VPS4B: variants seen among roughly 807,000 people sequenced by gnomAD.
The protein encoded by VPS4B is vacuolar protein sorting 4 homolog B.
A neutral mutation model predicts 56.1 loss-of-function variants in VPS4B; 23 were observed. The ratio of observed to expected loss-of-function variants is 0.41; its 90% confidence interval spans 0.30 to 0.58. The LOEUF (loss-of-function observed/expected upper bound fraction) is 0.58. Ranked by LOEUF, VPS4B falls within the 20% of genes least tolerant of loss-of-function variation. The probability of loss-of-function intolerance (pLI) is 0.29; values close to 1 mark genes in which losing one functional copy is unlikely to be tolerated. For synonymous variants in VPS4B, 177 were observed against 186.0 expected (o/e 0.95, Z 0.39); for missense variants, 372 against 531.9 (o/e 0.70, Z 2.96).
chr18:63,395,424 G>T (rs1272988206), intron 9 of VPS4B, among the ~76,000 whole-genome samples: 2 of 152,102 alleles, frequency 1.3e-5, no homozygotes, highest in African/African-American at 4.8e-5. Flanking sequence ...TATTGGAAAG[G>T]ACTTCAAAAT....
rs758078167 is a variant in VPS4B at position 63,393,388 on chromosome 18, AAAAC to A, written c.1233+17_1233+20del. On this transcript the variant is annotated intron_variant, in intron 10 of 10. Coordinates refer to ENST00000238497, the MANE Select transcript of VPS4B (RefSeq NM_004869.4). ...TATAATGTTTTAAAATATTTTCTTA[AAAAC>A]AAACAAAATTTCAAACCATGGAAAC... is the stretch of plus-strand genomic sequence containing the variant. The A allele has an allele frequency of 4.8e-5, 75 of 1,572,658 alleles. No individual in the cohort carries two copies. Among genetic ancestry groups the A allele is most frequent in the Non-Finnish European group, 6.4e-5 (74 of 1,163,922 alleles).
At chr18:63,411,383 G>T in intron 2 of VPS4B, 84 bp downstream of exon 2, 2 of 949,216 alleles carry the variant, frequency 2.1e-6, no homozygotes, top group Non-Finnish European at 2.8e-6. Context: ...GAATTGTCTG[G>T]CATTATATTT....
At chr18:63,396,780 G>C (rs1915677877) in intron 9 of VPS4B, 4 of 401,518 alleles carry the variant, frequency 1.0e-5, no homozygotes, top group Non-Finnish European at 1.8e-5. Context: ...CCTGGAGTCA[G>C]GAGTTCGAGA....
At chr18:63,409,028 T>TTA (rs1445913512) in intron 3 of VPS4B, among the ~76,000 whole-genome samples, 1 of 152,192 alleles carries the variant, frequency 6.6e-6, no homozygotes, top group Non-Finnish European at 1.5e-5. Context: ...AGTCCCTGTT[T>TTA]TATACCAAAT....
In VPS4B at chr18:63,389,534, A is replaced by G. The variant is rs1475890221; in HGVS notation, c.*1441T>C. 1.3e-5 allele frequency: 2 copies of G among 152,698 alleles called. No homozygotes were observed. Among genetic ancestry groups the G allele is most frequent in the Non-Finnish European group, 2.9e-5 (2 of 68,050 alleles). The allele number at this position is 152,698 out of a possible 1,614,324, so 9.5% of individuals were successfully genotyped here. On this transcript the variant is annotated 3_prime_UTR_variant, in exon 11 of 11. Transcript: ENST00000238497. ...GTCTTTTGCATGTATAGACAATGCA[A>G]TTCTACAAGGCACAACTCAGCGTTG...
intron 10 of VPS4B, 50 bp downstream of exon 10, chr18:63,393,359 G>T: frequency 6.8e-7 from 1 of 1,463,540 alleles, no homozygotes; most frequent in East Asian, 2.6e-5. Context: ...TGAAAATTAT[G>T]AAGTATAATG....
At chr18:63,412,295 G>C (rs1406784810) in intron 1 of VPS4B, among the ~76,000 whole-genome samples, 1 of 152,066 alleles carries the variant, frequency 6.6e-6, no homozygotes, top group African/African-American at 2.4e-5. Flanking sequence ...ATATGTAGCA[G>C]GAATTTATTT....
chr18:63,405,050 A>G (rs1915886804), intron 4 of VPS4B, among the ~76,000 whole-genome samples: 1 of 152,182 alleles, frequency 6.6e-6, no homozygotes, highest in African/African-American at 2.4e-5. Flanking sequence ...GTCTGACTCA[A>G]GATTTCTGCT....
rs538206415 is a variant in VPS4B at position 63,398,092 on chromosome 18, G to A, written c.873-839C>T. On this transcript the variant is annotated intron_variant, in intron 8 of 10. Transcript: ENST00000238497. ...GTGAAGAGTGAAAAGTGAAGAGTCC[G>A]TATACCTTTCCTAGAACTGAAGTTT... Among the ~76,000 whole-genome samples, 7 of 151,812 alleles carry A rather than the reference G, an allele frequency of 4.6e-5. No individual in the cohort carries two copies. The East Asian group carries it at 1.4e-3, about 29-fold the overall frequency.
intron 3 of VPS4B, among the ~76,000 whole-genome samples, chr18:63,408,764 C>CT (rs1817191623): frequency 6.6e-6 from 1 of 152,210 alleles, no homozygotes; most frequent in South Asian, 2.1e-4. Context: ...TAATATATCC[C>CT]TTTTTGCTTA....
At chr18:63,403,616 T>C (rs1325481059) in intron 5 of VPS4B, 91 bp downstream of exon 5, 6 of 1,302,666 alleles carry the variant, frequency 4.6e-6, no homozygotes, top group Non-Finnish European at 5.2e-6. Context: ...TTTAAGATAA[T>C]TCATTAGTGA....
Position 63,405,828 on chromosome 18 carries a change from A to AAAC in VPS4B, c.364+1603_364+1604insGTT, listed in dbSNP as rs1568087393. Among the ~76,000 whole-genome samples, 773 of 149,174 alleles carry AAAC rather than the reference A, an allele frequency of 5.2e-3. 6 individuals are homozygous for AAAC. The highest frequency in any genetic ancestry group is 0.018 in the African/African-American group (708 of 39,436). ...ACAAACAAACAAACAAACAAACAAAAAAAAAAACTTAGCCGGGCATGGTGG... is the reference window on the plus strand; with the variant it reads ...ACAAACAAACAAACAAACAAACAAAAAACAAAAAAACTTAGCCGGGCATGGTGG... On this transcript the variant is annotated intron_variant, in intron 4 of 10. Transcript: ENST00000238497.
intron 1 of VPS4B, chr18:63,415,784 T>C (rs1404857807): frequency 1.4e-5 from 3 of 221,606 alleles, no homozygotes; most frequent in South Asian, 7.7e-5. Context: ...CTCACCATTC[T>C]TGGCCCTTCC....
At chr18:63,399,180 A>G (rs1179436867) in intron 8 of VPS4B, 62 bp downstream of exon 8, 1 of 1,429,540 alleles carries the variant, frequency 7.0e-7, no homozygotes, top group African/African-American at 1.4e-5. Context: ...AGACAAAAAG[A>G]GAATTATCAT....
chr18:63,400,759 C>A (rs1915791829), intron 5 of VPS4B, 56 bp from the exon 6 acceptor site: 1 of 1,516,898 alleles, frequency 6.6e-7, no homozygotes, highest in Admixed American at 2.1e-5. Context: ...ATTGTATCAT[C>A]TATACTGAGG....
Position 63,407,578 on chromosome 18 carries a change from GA to G in VPS4B, c.297-80del, listed in dbSNP as rs1292123444. The G allele has an allele frequency of 4.4e-6, 5 of 1,129,016 alleles. No homozygotes were observed. In the East Asian group the frequency reaches 1.3e-4, roughly 29 times the overall value. The allele number at this position is 1,129,016 out of a possible 1,614,324, so 69.9% of individuals were successfully genotyped here. Reference sequence around the variant, plus strand: ...GCAAAAATGAAGGAAAAATTAACCTGAAATATTTGTAATTTCAGTGGCAAAA... The same window carrying G: ...GCAAAAATGAAGGAAAAATTAACCTGAATATTTGTAATTTCAGTGGCAAAA... On this transcript the variant is annotated intron_variant, in intron 3 of 10. Transcript: ENST00000238497.
chr18:63,414,156 C>A (rs993251344), intron 1 of VPS4B, among the ~76,000 whole-genome samples: 1 of 151,556 alleles, frequency 6.6e-6, no homozygotes, highest in Admixed American at 6.6e-5. Context: ...CCGAGGAGGG[C>A]GGATCACTTG....
At chr18:63,398,204 C>CACACACACACATATATATATATATATAT (rs1298374245) in intron 8 of VPS4B, among the ~76,000 whole-genome samples, 17 of 112,470 alleles carry the variant, frequency 1.5e-4, no homozygotes, top group African/African-American at 4.6e-4. Flanking sequence ...CACACACACA[C>CACACACACACATATATATATATATATAT]ATATATATAT....
chr18:63,407,620 A>T (rs1915946238), intron 3 of VPS4B, 121 bp from the exon 4 acceptor site: 1 of 713,714 alleles, frequency 1.4e-6, no homozygotes, highest in South Asian at 1.9e-5. Context: ...CATTTACATT[A>T]AAAGTTATGC....
Sources: gnomAD v4.1 joint callset for allele counts (sites outside exome capture counted in the v4.1 genomes callset) on GRCh38, gnomAD v4.1.1 for gene constraint, MANE v1.5 for transcripts, NCBI Gene and HGNC (gene_info 2026-07-23, HGNC 2026-07-21) for gene names.